Variants in SPAG16 observed in about 807,000 individuals in gnomAD.
The protein encoded by SPAG16 is sperm-associated antigen 16 protein.
SPAG16 carries 86 observed loss-of-function variants against 80.4 expected under a neutral mutation model. That is an observed-to-expected ratio of 1.07 (90% CI 0.90 to 1.28). The LOEUF (loss-of-function observed/expected upper bound fraction) is 1.28. Among genes scored for constraint, SPAG16 ranks in the 50% most tolerant of loss-of-function variants. The pLI, the probability that SPAG16 is intolerant of heterozygous loss-of-function variation, is 0.00. For synonymous variants in SPAG16, 294 were observed against 265.9 expected, an observed-to-expected ratio of 1.11 and a Z score of -1.03; for missense variants, 870 against 765.3, an observed-to-expected ratio of 1.14 and a Z score of -1.61.
intron 15 of SPAG16, among the ~76,000 whole-genome samples, chr2:214,391,541 T>C (rs1387472914): frequency 6.6e-6 from 1 of 151,936 alleles, no homozygotes; most frequent in Non-Finnish European, 1.5e-5. Context: ...AAAGCTTTAA[T>C]AATAGTAAAG....
At chr2:213,482,527 ATTC>A (rs1351097844) in intron 9 of SPAG16, among the ~76,000 whole-genome samples, 1 of 152,286 alleles carries the variant, frequency 6.6e-6, no homozygotes, top group African/African-American at 2.4e-5. Context: ...TGGTATAATG[ATTC>A]TTCTAATTTT....
At chr2:214,401,652 A>C (rs114097671) in intron 15 of SPAG16, among the ~76,000 whole-genome samples, 3,363 of 152,028 alleles carry the variant, frequency 0.022, 52 homozygotes, top group Non-Finnish European at 0.032. Context: ...ATTTATAATA[A>C]GCTTAAAAGG....
chr2:214,181,864 GC>G lies in SPAG16; in HGVS notation c.1720+32600del, dbSNP rs2057317816. ...GGTTGAAAGGCTCTCTATCTACCAT[GC>G]CTCTTGCATCACAGTGACTTAAAGT... On this transcript the variant is annotated intron_variant, in intron 15 of 15. Transcript: ENST00000331683. Among the ~76,000 whole-genome samples, 2 of 151,848 alleles carry G rather than the reference GC, an allele frequency of 1.3e-5. 1 individual carries two copies. The highest frequency in any genetic ancestry group is 4.2e-4 in the South Asian group (2 of 4,812).
At chr2:213,879,402 T>C (rs2076261401) in intron 11 of SPAG16, among the ~76,000 whole-genome samples, 1 of 150,752 alleles carries the variant, frequency 6.6e-6, no homozygotes, top group African/African-American at 2.4e-5. Context: ...TGTGTGTATA[T>C]ACATATACAC....
chr2:213,344,908 G>C (rs187003097), intron 6 of SPAG16, among the ~76,000 whole-genome samples: 1 of 152,130 alleles, frequency 6.6e-6, no homozygotes, highest in South Asian at 2.1e-4. Flanking sequence ...TAATGGGATC[G>C]CTGGGTCAAA....
At chr2:214,249,122 C>A (rs1189222496) in intron 15 of SPAG16, among the ~76,000 whole-genome samples, 3 of 152,120 alleles carry the variant, frequency 2.0e-5, no homozygotes, top group Non-Finnish European at 2.9e-5. Flanking sequence ...CCCAAACACA[C>A]TATGTGGGAC....
At chr2:214,184,939 A>T (rs575992315) in intron 15 of SPAG16, among the ~76,000 whole-genome samples, 64 of 150,388 alleles carry the variant, frequency 4.3e-4, no homozygotes, top group African/African-American at 1.5e-3. Context: ...GTCTTTAAAA[A>T]TTTTTTTTTT....
chr2:214,197,138 G>C (rs1397379773), intron 15 of SPAG16, among the ~76,000 whole-genome samples: 1 of 151,932 alleles, frequency 6.6e-6, no homozygotes, highest in African/African-American at 2.4e-5. Flanking sequence ...ATTCCACTCA[G>C]TTTTGAGTAA....
intron 10 of SPAG16, among the ~76,000 whole-genome samples, chr2:213,686,674 CTTTTTTTTTTTTTTTTTTT>C (rs748200040): frequency 1.5e-4 from 13 of 86,106 alleles, no homozygotes; most frequent in Non-Finnish European, 2.7e-4. Flanking sequence ...ATTAATCCAC[CTTTTTTTTTTTTTTTTTTT>C]TTTTTTTTTT....
intron 15 of SPAG16, among the ~76,000 whole-genome samples, chr2:214,293,134 C>T (rs1440851373): frequency 6.6e-6 from 1 of 152,080 alleles, no homozygotes; most frequent in Admixed American, 6.6e-5. Context: ...ATTCTTGGGC[C>T]CCCAGATGGC....
intron 10 of SPAG16, among the ~76,000 whole-genome samples, chr2:213,856,307 T>G (rs2105925610): frequency 6.6e-6 from 1 of 152,318 alleles, no homozygotes; most frequent in African/African-American, 2.4e-5. Flanking sequence ...CCCCTGTGGC[T>G]TTGCAGGATA....
chr2:213,557,456 T>A (rs1232380816), intron 10 of SPAG16, among the ~76,000 whole-genome samples: 3 of 152,142 alleles, frequency 2.0e-5, no homozygotes, highest in African/African-American at 7.2e-5. Context: ...TATGTGTATA[T>A]ATAATTATAT....
In SPAG16 at chr2:213,893,545, A is replaced by C. The variant is rs2076871317; in HGVS notation, c.1214+30917A>C. 2.0e-5 allele frequency among the ~76,000 whole-genome samples: 3 copies of C among 152,292 alleles called. No individual in the cohort carries two copies. In the South Asian group the frequency reaches 6.2e-4, roughly 32 times the overall value. ...AAGAGATATGTAATATAAAATATGT[A>C]AACTAACACAACAAAGAGCCAAAAT... On this transcript the variant is annotated intron_variant, in intron 11 of 15. Transcript: ENST00000331683.
At chr2:213,384,180 G>A (rs148884786) in intron 9 of SPAG16, among the ~76,000 whole-genome samples, 1 of 152,182 alleles carries the variant, frequency 6.6e-6, no homozygotes, top group East Asian at 1.9e-4. Context: ...GTTTAAATCT[G>A]TGCCATTTTC....
At chr2:213,310,883 A>G (rs930260271) in intron 4 of SPAG16, among the ~76,000 whole-genome samples, 1 of 151,834 alleles carries the variant, frequency 6.6e-6, no homozygotes, top group South Asian at 2.1e-4. Flanking sequence ...TTTAATAGCT[A>G]TTGCATATTC....
intron 15 of SPAG16, among the ~76,000 whole-genome samples, chr2:214,389,221 A>C (rs1222075201): frequency 1.3e-5 from 2 of 152,210 alleles, no homozygotes; most frequent in African/African-American, 2.4e-5. Context: ...GAAAAATCCA[A>C]TATGTATTTC....
At chr2:213,961,034 G>A (rs569628046) in intron 12 of SPAG16, among the ~76,000 whole-genome samples, 3 of 152,294 alleles carry the variant, frequency 2.0e-5, no homozygotes, top group Admixed American at 6.5e-5. Flanking sequence ...CTGCGATGGG[G>A]ACAAGGATAG....
At chr2:213,574,902 C>T (rs1266262952) in intron 10 of SPAG16, among the ~76,000 whole-genome samples, 1 of 151,872 alleles carries the variant, frequency 6.6e-6, no homozygotes, top group African/African-American at 2.4e-5. Context: ...TAATGGTTTA[C>T]ACCAGTTTCT....
At chr2:214,083,085 G>A (rs1044670418) in intron 13 of SPAG16, among the ~76,000 whole-genome samples, 4 of 152,040 alleles carry the variant, frequency 2.6e-5, no homozygotes, top group Non-Finnish European at 4.4e-5. Flanking sequence ...TTACTTTCAG[G>A]TCTACCGAAC....
Sources: allele counts gnomAD v4.1 joint callset (sites outside exome capture counted in the v4.1 genomes callset), GRCh38; gene constraint gnomAD v4.1.1; transcripts MANE v1.5; gene names NCBI Gene and HGNC (gene_info 2026-07-23, HGNC 2026-07-21).